Variants in SLIRP observed in about 807,000 individuals in gnomAD.
SLIRP encodes SRA stem-loop interacting RNA binding protein.
In SLIRP, 12 loss-of-function variants were observed where a neutral mutation model predicts 13.4. The observed-to-expected ratio is 0.89, with a 90% CI of 0.57 to 1.45. The LOEUF is 1.45. SLIRP is among the 40% of genes most tolerant of loss of function. SLIRP has a pLI of 0.00. For synonymous variants in SLIRP, 55 were observed against 47.1 expected, an observed-to-expected ratio of 1.17 and a Z score of -0.69; for missense variants, 154 against 132.2, an observed-to-expected ratio of 1.17 and a Z score of -0.81.
chr14:77,708,246 G>A (rs750696765), intron 1 of SLIRP, 38 bp downstream of exon 1: 7 of 1,596,720 alleles, frequency 4.4e-6, no homozygotes, highest in Admixed American at 1.7e-5. Context: ...GAATTTTTAG[G>A]TCCAAGTGAT....
At chr14:77,713,453 G>A (rs1281000577) in intron 2 of SLIRP, among the ~76,000 whole-genome samples, 1 of 152,158 alleles carries the variant, frequency 6.6e-6, no homozygotes, top group Non-Finnish European at 1.5e-5. Flanking sequence ...GACTCCCAAA[G>A]ACTAACAGAT....
intron 2 of SLIRP, among the ~76,000 whole-genome samples, chr14:77,715,509 G>A (rs1234907545): frequency 2.6e-5 from 4 of 152,128 alleles, no homozygotes; most frequent in Non-Finnish European, 5.9e-5. Context: ...GGCAGACATG[G>A]TGGTATGTAC....
intron 3 of SLIRP, among the ~76,000 whole-genome samples, chr14:77,717,044 C>T (rs180858127): frequency 8.5e-5 from 13 of 152,316 alleles, no homozygotes; most frequent in East Asian, 7.7e-4. Flanking sequence ...GGATTACAGG[C>T]GTGAGCCACA....
chr14:77,712,978 C>A (rs176950), intron 2 of SLIRP, among the ~76,000 whole-genome samples: 11,654 of 151,760 alleles, frequency 0.077, 501 homozygotes, highest in Middle Eastern at 0.1. Flanking sequence ...CCATTACTTT[C>A]GCTGTATTCT....
At chr14:77,714,861 A>G (rs2080464410) in intron 2 of SLIRP, among the ~76,000 whole-genome samples, 1 of 152,146 alleles carries the variant, frequency 6.6e-6, no homozygotes, top group Non-Finnish European at 1.5e-5. Context: ...TAGACATCTT[A>G]ATATCTGTTT....
At chr14:77,708,304 T>A in intron 1 of SLIRP, 96 bp downstream of exon 1, 1 of 1,255,318 alleles carries the variant, frequency 8.0e-7, no homozygotes, top group Non-Finnish European at 1.1e-6. Context: ...GCGTGGTGGC[T>A]GAATTAGGAG....
chr14:77,712,974 C>T (rs980748832), intron 2 of SLIRP, among the ~76,000 whole-genome samples: 2 of 152,040 alleles, frequency 1.3e-5, no homozygotes, highest in Non-Finnish European at 2.9e-5. Flanking sequence ...CATCCCATTA[C>T]TTTCGCTGTA....
intron 2 of SLIRP, among the ~76,000 whole-genome samples, chr14:77,713,905 G>C (rs1033528182): frequency 7.2e-5 from 11 of 152,140 alleles, no homozygotes; most frequent in African/African-American, 2.4e-4. Flanking sequence ...GACCTGCAAA[G>C]AATAGATCTT....
chr14:77,715,655 A>T lies in SLIRP; in HGVS notation c.157-117A>T, dbSNP rs188942571. On this transcript the variant is annotated intron_variant, in intron 2 of 3. Coordinates refer to ENST00000557342, the MANE Select transcript of SLIRP (RefSeq NM_031210.6). The stretch of plus-strand genomic sequence containing the variant: ...GCAAGACCCTGCCTAAAAATAAAAT[A>T]AAATTAAATTAAAAAGTCCGATTTT... 4.1e-4 allele frequency: 342 copies of T among 832,170 alleles called. 1 individual carries two copies. Among genetic ancestry groups the T allele is most frequent in the Admixed American group, 1.0e-3 (37 of 36,232 alleles). The allele number at this position is 832,170 out of a possible 1,614,324, so 51.5% of individuals were successfully genotyped here. A position where few individuals can be genotyped will look rare whatever the true frequency, so the allele number is the denominator to read the frequency against.
Position 77,708,176 on chromosome 14 carries a change from T to G in SLIRP, c.65T>G (p.Phe22Cys). The G allele has an allele frequency of 6.2e-7, 1 of 1,614,122 alleles. No homozygotes were observed. Among genetic ancestry groups the G allele is most frequent in the Non-Finnish European group, 8.5e-7 (1 of 1,180,028 alleles). ...AGAAGTATCAATCAGCCGGTTGCTTTTGTGAGAAGAATTCCTTGGACTGCG... is the reference window on the plus strand; with the variant it reads ...AGAAGTATCAATCAGCCGGTTGCTTGTGTGAGAAGAATTCCTTGGACTGCG... ...LRRSINQPVAFVRRIPWTAAS... is the reference protein window; with the variant it reads ...LRRSINQPVACVRRIPWTAAS... The change falls in exon 1 of 4, where the codon TTT becomes TGT. Residue 22 changes from phenylalanine to cysteine, a missense_variant. Phe to Cys is a radical substitution (Grantham distance 205, BLOSUM62 -2). Transcript: ENST00000557342.
Position 77,715,376 on chromosome 14 carries a change from G to A in SLIRP, c.157-396G>A, listed in dbSNP as rs111517545. ...ATCCGATTTTTGGCTGGGCATGGTGGCTTATGCCTGTAATTTCACTACTTT... is the reference window on the plus strand; with the variant it reads ...ATCCGATTTTTGGCTGGGCATGGTGACTTATGCCTGTAATTTCACTACTTT... On this transcript the variant is annotated intron_variant, in intron 2 of 3. Coordinates refer to ENST00000557342, the MANE Select transcript of SLIRP (RefSeq NM_031210.6). Among the ~76,000 whole-genome samples the A allele has an allele frequency of 7.2e-3, 1,100 of 152,254 alleles. 9 individuals carry two copies. Among genetic ancestry groups the A allele is most frequent in the African/African-American group, 0.025 (1,053 of 41,528 alleles).
At chr14:77,717,034 G>A (rs978242775) in intron 3 of SLIRP, among the ~76,000 whole-genome samples, 2 of 152,204 alleles carry the variant, frequency 1.3e-5, no homozygotes, top group African/African-American at 4.8e-5. Flanking sequence ...CAAAGTGCTG[G>A]GATTACAGGC....
chr14:77,708,151 A>G lies in SLIRP; in HGVS notation c.40A>G (p.Arg14Gly), dbSNP rs553540850. ...SAARGAAALR[R>G]SINQPVAFVR... ...AGCGAGAGGTGCTGCGGCGCTGCGT[A>G]GAAGTATCAATCAGCCGGTTGCTTT... is the stretch of plus-strand genomic sequence containing the variant. Residue 14 changes from arginine to glycine, a missense_variant, in exon 1 of 4, where the codon AGA becomes GGA. Physicochemically the swap from Arg to Gly is moderately radical, Grantham distance 125. Transcript: ENST00000557342. 3.7e-6 allele frequency: 6 copies of G among 1,614,184 alleles called. No homozygotes were observed. Among genetic ancestry groups the G allele is most frequent in the East Asian group, 2.2e-5 (1 of 44,878 alleles).
chr14:77,710,392 T>C (rs575909447), intron 1 of SLIRP, among the ~76,000 whole-genome samples: 18 of 152,276 alleles, frequency 1.2e-4, no homozygotes, highest in African/African-American at 4.1e-4. Flanking sequence ...AACTAGGGGC[T>C]AGCAGTGGGA....
chr14:77,712,275 CTTTT>C (rs35035208), intron 2 of SLIRP, among the ~76,000 whole-genome samples: 1 of 137,402 alleles, frequency 7.3e-6, no homozygotes, highest in Non-Finnish European at 1.5e-5. Context: ...GGCAAAATTC[CTTTT>C]TTTTTTTTTT....
chr14:77,712,608 C>A (rs1035198533), intron 2 of SLIRP, among the ~76,000 whole-genome samples: 1 of 152,210 alleles, frequency 6.6e-6, no homozygotes, highest in Admixed American at 6.5e-5. Context: ...CTACGCCCGG[C>A]TAATTTTTTG....
chr14:77,709,490 C>A (rs1408862575), intron 1 of SLIRP, among the ~76,000 whole-genome samples: 5 of 152,158 alleles, frequency 3.3e-5, no homozygotes, highest in East Asian at 1.9e-4. Context: ...TAGCATCTTG[C>A]GGATGCAAGT....
intron 3 of SLIRP, among the ~76,000 whole-genome samples, chr14:77,716,920 C>A (rs1566823451): frequency 6.6e-6 from 1 of 151,972 alleles, no homozygotes; most frequent in Non-Finnish European, 1.5e-5. Flanking sequence ...CGCCACCACG[C>A]ACTGCTAATT....
chr14:77,710,222 A>G (rs2080429618), intron 1 of SLIRP, among the ~76,000 whole-genome samples: 1 of 152,172 alleles, frequency 6.6e-6, no homozygotes, highest in Non-Finnish European at 1.5e-5. Flanking sequence ...AGTAATACTC[A>G]GTGGATGTAC....
Sources: gnomAD v4.1 joint callset for allele counts (sites outside exome capture counted in the v4.1 genomes callset) on GRCh38, gnomAD v4.1.1 for gene constraint, MANE v1.5 for transcripts, NCBI Gene and HGNC (gene_info 2026-07-23, HGNC 2026-07-21) for gene names.